The following NCAM2 variants were observed in gnomAD, a reference collection of about 807,000 sequenced individuals.
NCAM2 encodes N-CAM-2.
NCAM2 carries 30 observed loss-of-function variants against 98.1 expected under a neutral mutation model. The observed-to-expected ratio is 0.31, with a 90% CI of 0.23 to 0.41. The LOEUF (loss-of-function observed/expected upper bound fraction) is 0.41, where lower values mean the gene tolerates loss of function less well. Ranked by LOEUF, NCAM2 falls within the 10% of genes least tolerant of loss-of-function variation. The probability of loss-of-function intolerance (pLI) is 1.00; values close to 1 mark genes in which losing one functional copy is unlikely to be tolerated. For missense variants in NCAM2, 867 were observed against 1,005.8 expected, an observed-to-expected ratio of 0.86 and a Z score of 1.87; for synonymous variants, 368 against 342.4, an observed-to-expected ratio of 1.07 and a Z score of -0.83.
chr21:21,312,964 G>T (rs1206696259), intron 5 of NCAM2, among the ~76,000 whole-genome samples: 1 of 151,652 alleles, frequency 6.6e-6, no homozygotes, highest in African/African-American at 2.4e-5. Context: ...TGTGGTTTCT[G>T]ATTTTCAAGG....
chr21:21,349,789 G>C (rs543846431), intron 8 of NCAM2, among the ~76,000 whole-genome samples: 86 of 152,288 alleles, frequency 5.6e-4, no homozygotes, highest in African/African-American at 1.9e-3. Context: ...TGGAAGTGGA[G>C]ATCATTGTGT....
chr21:21,232,540 C>T (rs2070671837), intron 1 of NCAM2, among the ~76,000 whole-genome samples: 2 of 151,506 alleles, frequency 1.3e-5, no homozygotes, highest in South Asian at 4.1e-4. Context: ...GTTTGCTTCT[C>T]TTCTGGTAAA....
chr21:21,518,845 A>G (rs1463453977), intron 16 of NCAM2, among the ~76,000 whole-genome samples: 4 of 152,144 alleles, frequency 2.6e-5, no homozygotes, highest in African/African-American at 7.2e-5. Flanking sequence ...GGAAGATGGC[A>G]GTTAATAAAC....
chr21:21,394,169 T>C (rs1008500083), intron 9 of NCAM2, among the ~76,000 whole-genome samples: 7 of 152,198 alleles, frequency 4.6e-5, no homozygotes, highest in Non-Finnish European at 1.0e-4. Context: ...TAACTGGAAA[T>C]AAGCACACAT....
chr21:21,346,236 A>G (rs1011973704), intron 8 of NCAM2, among the ~76,000 whole-genome samples: 10 of 150,616 alleles, frequency 6.6e-5, no homozygotes, highest in African/African-American at 2.2e-4. Flanking sequence ...AGGAGTCACT[A>G]TACTTATGTC....
chr21:21,199,248 C>A (rs1322728393), intron 1 of NCAM2, among the ~76,000 whole-genome samples: 1 of 152,126 alleles, frequency 6.6e-6, no homozygotes, highest in East Asian at 1.9e-4. Flanking sequence ...ATAAAACAGT[C>A]AGAGAGCTCT....
chr21:21,106,314 C>CAAAAAAAA (rs202018731), intron 1 of NCAM2, among the ~76,000 whole-genome samples: 1 of 103,490 alleles, frequency 9.7e-6, no homozygotes, highest in Non-Finnish European at 1.8e-5. Flanking sequence ...GTCTCAAAAG[C>CAAAAAAAA]AAAAAAAAAA....
At chr21:21,394,060 A>T (rs1290567397) in intron 9 of NCAM2, among the ~76,000 whole-genome samples, 1 of 152,206 alleles carries the variant, frequency 6.6e-6, no homozygotes, top group Non-Finnish European at 1.5e-5. Context: ...CCTTAATAAA[A>T]ATTACTCTTG....
At chr21:21,018,618 A>C (rs2064367232) in intron 1 of NCAM2, among the ~76,000 whole-genome samples, 2 of 152,248 alleles carry the variant, frequency 1.3e-5, no homozygotes. Context: ...GAATTACTAA[A>C]TAGATTATCT....
intron 1 of NCAM2, among the ~76,000 whole-genome samples, chr21:21,227,389 T>C (rs890366480): frequency 1.3e-5 from 2 of 151,574 alleles, no homozygotes; most frequent in Non-Finnish European, 3.0e-5. Context: ...CTTTTTAGAG[T>C]TGTAAATATA....
At chr21:21,508,807 CCTTTTTTT>C in intron 15 of NCAM2, 36 bp from the exon 16 acceptor site, 2 of 705,750 alleles carry the variant, frequency 2.8e-6, no homozygotes, top group African/African-American at 2.8e-5. Flanking sequence ...TACTTTTTTT[CCTTTTTTT>C]TTTTTTTTTT....
intron 9 of NCAM2, among the ~76,000 whole-genome samples, chr21:21,377,216 T>A (rs920531272): frequency 5.3e-5 from 8 of 151,740 alleles, no homozygotes; most frequent in Non-Finnish European, 1.2e-4. Flanking sequence ...AGCCCATATA[T>A]AATGTAAAAT....
intron 8 of NCAM2, among the ~76,000 whole-genome samples, chr21:21,343,191 A>T (rs1270392797): frequency 1.3e-5 from 2 of 152,168 alleles, no homozygotes; most frequent in East Asian, 3.8e-4. Flanking sequence ...AAATACATAT[A>T]TGTAAAAAAT....
At chr21:21,410,578 G>A in intron 10 of NCAM2, 117 bp downstream of exon 10, 1 of 542,982 alleles carries the variant, frequency 1.8e-6, no homozygotes, top group Non-Finnish European at 2.9e-6. Context: ...GAGAAATCAT[G>A]GTGTATATAT....
chr21:21,127,399 G>A (rs954012290), intron 1 of NCAM2, among the ~76,000 whole-genome samples: 3 of 151,804 alleles, frequency 2.0e-5, no homozygotes, highest in African/African-American at 7.3e-5. Context: ...AATGTGTAAC[G>A]ATCAAACCAG....
intron 8 of NCAM2, among the ~76,000 whole-genome samples, chr21:21,340,846 A>G (rs1384870994): frequency 6.6e-6 from 1 of 151,958 alleles, no homozygotes; most frequent in Admixed American, 6.6e-5. Flanking sequence ...AAAGAGTCCA[A>G]ATAACATTAC....
intron 1 of NCAM2, among the ~76,000 whole-genome samples, chr21:21,276,504 A>G (rs2072733605): frequency 6.6e-6 from 1 of 152,004 alleles, no homozygotes; most frequent in African/African-American, 2.4e-5. Flanking sequence ...ATATTTATGG[A>G]TAGCTATCAA....
chr21:21,302,754 A>G (rs2147656064), intron 5 of NCAM2, among the ~76,000 whole-genome samples: 1 of 152,312 alleles, frequency 6.6e-6, no homozygotes, highest in African/African-American at 2.4e-5. Context: ...TACTGGGTAT[A>G]TACCCAAAGG....
At chr21:21,068,850 A>G (rs9982673) in intron 1 of NCAM2, among the ~76,000 whole-genome samples, 15,686 of 152,092 alleles carry the variant, frequency 0.1, 886 homozygotes, top group East Asian at 0.19. Context: ...GTCACTTTAT[A>G]TATATCTAAA....
Sources: allele counts gnomAD v4.1 joint callset (sites outside exome capture counted in the v4.1 genomes callset), GRCh38; gene constraint gnomAD v4.1.1; transcripts MANE v1.5; gene names NCBI Gene and HGNC (gene_info 2026-07-23, HGNC 2026-07-21).